SLC24A2: variants seen among roughly 807,000 people sequenced by gnomAD.
SLC24A2 encodes the protein solute carrier family 24 member 2, also known as sodium/potassium/calcium exchanger 2.
SLC24A2 carries 36 observed loss-of-function variants against 62.0 expected under a neutral mutation model. The ratio of observed to expected loss-of-function variants is 0.58; its 90% CI spans 0.44 to 0.77. The LOEUF is 0.77. Among genes scored for constraint, SLC24A2 ranks in the 30% least tolerant of loss-of-function variants. The probability of loss-of-function intolerance (pLI) is 0.00; values close to 1 mark genes in which losing one functional copy is unlikely to be tolerated. For synonymous variants in SLC24A2, 358 were observed against 294.0 expected (o/e 1.22, Z -2.23); for missense variants, 846 against 817.9 (o/e 1.03, Z -0.42).
intron 5 of SLC24A2, among the ~76,000 whole-genome samples, chr9:19,596,019 T>G (rs2132897420): frequency 6.6e-6 from 1 of 152,250 alleles, no homozygotes; most frequent in South Asian, 2.1e-4. Context: ...GGGCCCAGTG[T>G]GAGATCCTAG....
the SLC24A2 span, among the ~76,000 whole-genome samples, chr9:20,200,843 C>A: frequency 6.6e-6 from 1 of 152,088 alleles, no homozygotes; most frequent in Non-Finnish European, 1.5e-5. Flanking sequence ...AGCTTTTGGA[C>A]CGTAGTGTTA....
At chr9:19,529,814 G>C (rs1381293152) in intron 8 of SLC24A2, among the ~76,000 whole-genome samples, 4 of 147,286 alleles carry the variant, frequency 2.7e-5, no homozygotes, top group Non-Finnish European at 4.5e-5. Context: ...GCAGTGGCAT[G>C]ATCTTGGCTC....
intron 7 of SLC24A2, among the ~76,000 whole-genome samples, chr9:19,568,085 G>C (rs1343068292): frequency 6.6e-6 from 1 of 152,104 alleles, no homozygotes; most frequent in Non-Finnish European, 1.5e-5. Flanking sequence ...AATAAAGTCA[G>C]GATGCGCACC....
rs541296276 is a variant in SLC24A2 at position 19,786,736 on chromosome 9, A to G, written c.131T>C (p.Met44Thr). 11 of 1,605,334 alleles carry G rather than the reference A, an allele frequency of 6.9e-6. No individual in the cohort carries two copies. The highest frequency in any genetic ancestry group is 1.7e-4 in the Middle Eastern group (1 of 6,006). Reference sequence around the variant, plus strand: ...GACAGTGCTAATGGCTACCAGACCCATGAAAAGGCCTAAGACTCGAATTAA... The same window carrying G: ...GACAGTGCTAATGGCTACCAGACCCGTGAAAAGGCCTAAGACTCGAATTAA... ...LKLIRVLGLF[M>T]GLVAISTVSF... Residue 44 changes from methionine (M) to threonine (T), a missense_variant, in exon 2 of 11, where the codon ATG becomes ACG. Physicochemically the swap from Met to Thr is moderately conservative, Grantham distance 81. Transcript: ENST00000341998. This position sits in a 1 kb window ranked among gnomAD's most constrained non-coding sequence, Gnocchi z 5.0.
At chr9:19,606,540 G>C (rs1836988554) in intron 4 of SLC24A2, among the ~76,000 whole-genome samples, 2 of 152,246 alleles carry the variant, frequency 1.3e-5, no homozygotes, top group South Asian at 2.1e-4. Flanking sequence ...TTCCCCCAGA[G>C]TCTTGTCTAC....
At chr9:19,550,970 T>C (rs962033552) in intron 7 of SLC24A2, among the ~76,000 whole-genome samples, 4 of 152,192 alleles carry the variant, frequency 2.6e-5, no homozygotes, top group African/African-American at 9.7e-5. Flanking sequence ...ATCATTTCTA[T>C]GTGTGGTAAC....
the SLC24A2 span, among the ~76,000 whole-genome samples, chr9:20,119,838 T>C: frequency 6.6e-6 from 1 of 152,182 alleles, no homozygotes; most frequent in Non-Finnish European, 1.5e-5. Context: ...GACAACAAAA[T>C]TGTTTACATA....
chr9:19,574,521 A>ATAC (rs992033237), intron 6 of SLC24A2, among the ~76,000 whole-genome samples: 4 of 152,148 alleles, frequency 2.6e-5, no homozygotes, highest in African/African-American at 9.7e-5. Context: ...GATGGTAACA[A>ATAC]TACTACTACT....
At chr9:20,287,364 T>C in the SLC24A2 span, among the ~76,000 whole-genome samples, 2 of 152,146 alleles carry the variant, frequency 1.3e-5, no homozygotes, top group Non-Finnish European at 2.9e-5. Context: ...GGGAGGGTCA[T>C]AGCAGCCCAA....
the SLC24A2 span, among the ~76,000 whole-genome samples, chr9:20,070,748 TTA>T: frequency 1.3e-5 from 2 of 152,200 alleles, no homozygotes; most frequent in Non-Finnish European, 2.9e-5. Context: ...CTCTAAGGAT[TTA>T]CAAATAGACC....
In SLC24A2 at chr9:19,565,148, A is replaced by G. The variant is rs563798914; in HGVS notation, c.1347+8203T>C. Among the ~76,000 whole-genome samples the G allele has an allele frequency of 7.2e-5, 11 of 152,282 alleles. No homozygotes were observed. In the East Asian group the frequency reaches 1.5e-3, roughly 21 times the overall value. On this transcript the variant is annotated intron_variant, in intron 7 of 10. Coordinates refer to ENST00000341998, the MANE Select transcript of SLC24A2 (RefSeq NM_020344.4). ...CAGGAGAAAGAAATAAAGGTATTCAATTAGGAAAAGAGGAAGTCAAATTGT... is the reference window on the plus strand; with the variant it reads ...CAGGAGAAAGAAATAAAGGTATTCAGTTAGGAAAAGAGGAAGTCAAATTGT...
intron 2 of SLC24A2, among the ~76,000 whole-genome samples, chr9:19,679,761 T>A (rs865838601): frequency 3.9e-4 from 59 of 152,064 alleles, no homozygotes; most frequent in African/African-American, 1.4e-3. Context: ...TTCTCCATCT[T>A]GCAGATGGCA....
chr9:20,135,117 T>C, the SLC24A2 span, among the ~76,000 whole-genome samples: 7 of 152,136 alleles, frequency 4.6e-5, no homozygotes, highest in African/African-American at 1.7e-4. Flanking sequence ...AAGACTCAAA[T>C]CCTTCAAGAA....
the SLC24A2 span, among the ~76,000 whole-genome samples, chr9:20,038,598 A>AT: frequency 3.0e-5 from 4 of 134,302 alleles, no homozygotes; most frequent in Non-Finnish European, 4.6e-5. Flanking sequence ...TTTCTACGAT[A>AT]TTTTTTTTCA....
chr9:19,544,391 A>T (rs921185681), intron 8 of SLC24A2, among the ~76,000 whole-genome samples: 1 of 151,856 alleles, frequency 6.6e-6, no homozygotes. Context: ...CCAATTTGCC[A>T]GTCTGTGTCT....
the SLC24A2 span, among the ~76,000 whole-genome samples, chr9:20,300,153 T>C: frequency 6.6e-6 from 1 of 152,226 alleles, no homozygotes; most frequent in African/African-American, 2.4e-5. Flanking sequence ...TAGGTATATA[T>C]GTATTTATGG....
At chr9:19,850,997 A>T in the SLC24A2 span, among the ~76,000 whole-genome samples, 12 of 44,314 alleles carry the variant, frequency 2.7e-4, 1 homozygote, top group African/African-American at 4.6e-4. Context: ...ATATATATAT[A>T]TATACACATA....
intron 2 of SLC24A2, among the ~76,000 whole-genome samples, chr9:19,753,250 C>T (rs1247605879): frequency 6.6e-6 from 1 of 152,194 alleles, no homozygotes; most frequent in Admixed American, 6.5e-5. Context: ...CCTCTCTCAA[C>T]CAGTGCTCCA....
chr9:19,786,920 G>T lies in SLC24A2; in HGVS notation c.-54C>A, dbSNP rs570500340. On this transcript the variant is annotated 5_prime_UTR_variant, in exon 2 of 11. Coordinates refer to ENST00000341998, the MANE Select transcript of SLC24A2 (RefSeq NM_020344.4). This position sits in a 1 kb window ranked among gnomAD's most constrained non-coding sequence, Gnocchi z 5.0. Reference sequence around the variant, plus strand: ...TTCCAACTTTAGACTCAACCAGATGGTTCTTTCATACTTTTCCTTACTTTA... The same window carrying T: ...TTCCAACTTTAGACTCAACCAGATGTTTCTTTCATACTTTTCCTTACTTTA... The T allele has an allele frequency of 1.1e-4, 178 of 1,593,888 alleles. 1 individual carries two copies. In the East Asian group the frequency reaches 1.5e-3, roughly 13 times the overall value.
Sources: allele counts gnomAD v4.1 joint callset (sites outside exome capture counted in the v4.1 genomes callset), GRCh38; gene constraint gnomAD v4.1.1; non-coding constraint Gnocchi (gnomAD v3.1); transcripts MANE v1.5; gene names NCBI Gene and HGNC (gene_info 2026-07-23, HGNC 2026-07-21).